Variants in SLC9B1 observed in about 807,000 individuals in gnomAD.
The protein encoded by SLC9B1 is solute carrier family 9 member B1.
A neutral mutation model predicts 51.7 loss-of-function variants in SLC9B1; 32 were observed. The observed-to-expected ratio is 0.62, with a 90% CI of 0.47 to 0.83. SLC9B1 has a LOEUF of 0.83. Ranked by LOEUF, SLC9B1 falls within the 40% of genes least tolerant of loss-of-function variation. The pLI, the probability that SLC9B1 is intolerant of heterozygous loss-of-function variation, is 0.00. For missense variants in SLC9B1, 406 were observed against 613.2 expected, an observed-to-expected ratio of 0.66 and a Z score of 3.57; for synonymous variants, 145 against 212.7, an observed-to-expected ratio of 0.68 and a Z score of 2.77.
intron 3 of SLC9B1, among the ~76,000 whole-genome samples, chr4:102,973,465 C>T (rs764258206): frequency 3.3e-4 from 50 of 151,988 alleles, no homozygotes; most frequent in Non-Finnish European, 6.2e-4. Flanking sequence ...AAACTTAAAC[C>T]TCTGAGTCAA....
rs545516385 is a variant in SLC9B1, at chr4:102,989,693, C to A, written c.211+107G>T. On this transcript the variant is annotated intron_variant, in intron 3 of 11. Transcript: ENST00000296422. ...TATTGCTTGTAACAAAGCTGATCAT[C>A]TGATCTGGAGTATATTGATTAAGTA... The A allele has an allele frequency of 1.4e-5, 9 of 622,410 alleles. No homozygotes were observed. The African/African-American group carries it at 1.7e-4, about 12-fold the overall frequency. 38.6% of individuals were successfully genotyped at this position (622,410 alleles called of 1,614,324 possible).
At chr4:102,973,038 T>G (rs1738847088) in intron 3 of SLC9B1, among the ~76,000 whole-genome samples, 1 of 152,208 alleles carries the variant, frequency 6.6e-6, no homozygotes. Context: ...CAGAATGCAT[T>G]GGGGAAAAGT....
At chr4:102,975,951 GA>G (rs1739049122) in intron 3 of SLC9B1, among the ~76,000 whole-genome samples, 1 of 152,006 alleles carries the variant, frequency 6.6e-6, no homozygotes, top group Admixed American at 6.6e-5. Context: ...TATATAAAAA[GA>G]AAAGAGGAAA....
At chr4:102,987,062 C>A (rs1739661999) in intron 3 of SLC9B1, among the ~76,000 whole-genome samples, 1 of 152,052 alleles carries the variant, frequency 6.6e-6, no homozygotes, top group African/African-American at 2.4e-5. Context: ...AGTAAAAGGA[C>A]CTGTGGTAAG....
chr4:102,922,256 C>A (rs889639930), intron 7 of SLC9B1, among the ~76,000 whole-genome samples: 1 of 152,192 alleles, frequency 6.6e-6, no homozygotes, highest in African/African-American at 2.4e-5. Context: ...GATTAAGAAG[C>A]TCCCTCAAAA....
At chr4:102,981,756 CTT>C (rs1739376639) in intron 3 of SLC9B1, among the ~76,000 whole-genome samples, 1 of 152,052 alleles carries the variant, frequency 6.6e-6, no homozygotes, top group Non-Finnish European at 1.5e-5. Flanking sequence ...TGATAACAGT[CTT>C]TATCAAATAT....
chr4:102,891,135 C>T (rs1734227908), intron 11 of SLC9B1: 1 of 151,294 alleles, frequency 6.6e-6, no homozygotes, highest in Non-Finnish European at 1.5e-5. Context: ...CTAATATCGA[C>T]TAATAGTAGT....
intron 1 of SLC9B1, among the ~76,000 whole-genome samples, chr4:102,998,080 T>C (rs756944420): frequency 6.6e-6 from 1 of 152,320 alleles, no homozygotes; most frequent in East Asian, 1.9e-4. Flanking sequence ...TATATTTGCA[T>C]TGTTAAGCAA....
intron 6 of SLC9B1, among the ~76,000 whole-genome samples, chr4:102,944,072 CT>C (rs1468768077): frequency 1.3e-5 from 2 of 152,040 alleles, no homozygotes; most frequent in Non-Finnish European, 2.9e-5. Flanking sequence ...AGATCATGTC[CT>C]TTGGAGCAAC....
intron 1 of SLC9B1, among the ~76,000 whole-genome samples, chr4:103,008,801 T>C (rs865881661): frequency 1.4e-4 from 20 of 143,434 alleles, no homozygotes; most frequent in East Asian, 1.2e-3. Context: ...CAGTTTCTTT[T>C]TTTTTTTTTT....
rs564675842 is a variant in SLC9B1 at position 102,922,519 on chromosome 4, A to T, written c.829+9605T>A. On this transcript the variant is annotated intron_variant, in intron 7 of 11. Coordinates refer to ENST00000296422, the MANE Select transcript of SLC9B1 (RefSeq NM_139173.4). Reference sequence around the variant, plus strand: ...AAAAGAACTAGAGAAGCAAGAGCAAACACATTCAAAAGCCAGCAGAAGGCA... The same window carrying T: ...AAAAGAACTAGAGAAGCAAGAGCAATCACATTCAAAAGCCAGCAGAAGGCA... Among the ~76,000 whole-genome samples, 44 of 152,336 alleles carry T rather than the reference A, an allele frequency of 2.9e-4. 1 individual carries two copies. Among genetic ancestry groups the T allele is most frequent in the Admixed American group, 6.5e-4 (10 of 15,298 alleles).
intron 1 of SLC9B1, among the ~76,000 whole-genome samples, chr4:103,009,847 CAA>C (rs1740998984): frequency 1.3e-5 from 2 of 152,078 alleles, no homozygotes; most frequent in Admixed American, 6.5e-5. Context: ...TCTTTCTGAA[CAA>C]ATGAATTTGA....
chr4:102,935,929 G>A (rs1337210164), intron 6 of SLC9B1, among the ~76,000 whole-genome samples: 5 of 152,140 alleles, frequency 3.3e-5, no homozygotes, highest in Admixed American at 1.3e-4. Context: ...TGCCAACACA[G>A]GCATACCTGC....
intron 6 of SLC9B1, chr4:102,941,509 T>C (rs562797975): frequency 1.1e-5 from 5 of 453,576 alleles, no homozygotes; most frequent in Admixed American, 9.4e-5. Context: ...GCTGGCGAGC[T>C]TGGGGAGCTA....
At chr4:102,921,085 G>A (rs1409648939) in intron 7 of SLC9B1, among the ~76,000 whole-genome samples, 32 of 152,150 alleles carry the variant, frequency 2.1e-4, no homozygotes, top group Non-Finnish European at 2.9e-5. Context: ...TCCTTGAGAA[G>A]AGCAATTCCA....
chr4:103,008,797 CTTTTTTTTTTT>C (rs34403441), intron 1 of SLC9B1, among the ~76,000 whole-genome samples: 1 of 99,460 alleles, frequency 1.0e-5, no homozygotes, highest in Non-Finnish European at 2.0e-5. Flanking sequence ...TTAACAGTTT[CTTTTTTTTTTT>C]TTTTTTTTTG....
At chr4:102,985,682 C>T (rs1043084738) in intron 3 of SLC9B1, among the ~76,000 whole-genome samples, 7 of 151,916 alleles carry the variant, frequency 4.6e-5, no homozygotes, top group African/African-American at 1.2e-4. Flanking sequence ...TGCCACCATG[C>T]CCGGCTAATT....
intron 3 of SLC9B1, among the ~76,000 whole-genome samples, chr4:102,975,584 A>ATTTTTTTTTTTTTTTTTTTT (rs1466561136): frequency 1.2e-5 from 1 of 80,180 alleles, no homozygotes; most frequent in African/African-American, 5.5e-5. Flanking sequence ...ATATATATAT[A>ATTTTTTTTTTTTTTTTTTTT]TATTTTTTTT....
intron 3 of SLC9B1, chr4:102,962,439 A>C (rs1454288407): frequency 1.9e-6 from 1 of 518,576 alleles, no homozygotes; most frequent in African/African-American, 2.0e-5. Context: ...CACTGAATAC[A>C]CTAGAAAATA....
Sources: gnomAD v4.1 joint callset for allele counts (sites outside exome capture counted in the v4.1 genomes callset) on GRCh38, gnomAD v4.1.1 for gene constraint, MANE v1.5 for transcripts, NCBI Gene and HGNC (gene_info 2026-07-23, HGNC 2026-07-21) for gene names.